Variants in CSMD1 observed in about 807,000 individuals in gnomAD.
CSMD1 encodes the protein CUB and Sushi multiple domains 1.
A neutral mutation model predicts 417.5 loss-of-function variants in CSMD1; 213 were observed. The ratio of observed to expected loss-of-function variants is 0.51; its 90% confidence interval spans 0.46 to 0.57. The LOEUF (loss-of-function observed/expected upper bound fraction) is 0.57. CSMD1 is among the 20% of genes least tolerant of loss of function. CSMD1 has a pLI of 0.00. For missense variants in CSMD1, 6,923 were observed against 4,529.7 expected (o/e 1.53, Z -15.17); for synonymous variants, 2,862 against 1,736.8 (o/e 1.65, Z -16.11).
chr8:3,493,752 C>T (rs1290916103), intron 10 of CSMD1, 26 bp from the exon 11 acceptor site: 2 of 1,566,258 alleles, frequency 1.3e-6, no homozygotes, highest in Non-Finnish European at 8.7e-7. Context: ...GAAACAGTGA[C>T]TTAGAACAAC....
Position 4,205,607 on chromosome 8 carries a change from C to T in CSMD1, c.416-173508G>A, listed in dbSNP as rs528066952. Among the ~76,000 whole-genome samples the T allele has an allele frequency of 2.7e-4, 41 of 152,332 alleles. No homozygotes were observed. The South Asian group carries it at 4.8e-3, about 18-fold the overall frequency. ...ATGATGGGGTAGGATGAAGCCCTGA[C>T]AATTTCCACCCAGGAGCCACACAGA... On this transcript the variant is annotated intron_variant, in intron 3 of 69. Coordinates refer to ENST00000635120, the MANE Select transcript of CSMD1 (RefSeq NM_033225.6).
intron 4 of CSMD1, among the ~76,000 whole-genome samples, chr8:4,003,332 G>C (rs574242691): frequency 1.1e-4 from 17 of 152,198 alleles, no homozygotes; most frequent in Admixed American, 9.8e-4. Flanking sequence ...GGTGGAGCTT[G>C]CAGTGAGCAG....
intron 26 of CSMD1, chr8:3,279,125 GGT>G (rs1802535277): frequency 6.6e-6 from 1 of 152,176 alleles, no homozygotes; most frequent in African/African-American, 2.4e-5. Context: ...CTGGCTTTGG[GGT>G]GGTCAGACCA....
chr8:3,556,392 A>ATTTATATATATATATATATAT (rs1554468279), intron 10 of CSMD1, among the ~76,000 whole-genome samples: 1 of 120,448 alleles, frequency 8.3e-6, no homozygotes, highest in African/African-American at 3.3e-5. Flanking sequence ...TATAATAATT[A>ATTTATATATATATATATATAT]ATATATATAT....
chr8:4,563,236 C>G (rs952453995), intron 2 of CSMD1, among the ~76,000 whole-genome samples: 1 of 152,036 alleles, frequency 6.6e-6, no homozygotes, highest in Non-Finnish European at 1.5e-5. Context: ...CCCGTCTCTA[C>G]TAAAAATACA....
chr8:3,962,259 A>G (rs1812381203), intron 5 of CSMD1, among the ~76,000 whole-genome samples: 1 of 152,170 alleles, frequency 6.6e-6, no homozygotes, highest in African/African-American at 2.4e-5. Flanking sequence ...TTTGGTCATG[A>G]TGAGGTTCTT....
At chr8:4,467,826 C>G (rs1460456392) in intron 2 of CSMD1, among the ~76,000 whole-genome samples, 1 of 152,122 alleles carries the variant, frequency 6.6e-6, no homozygotes, top group Non-Finnish European at 1.5e-5. Flanking sequence ...ATTGGACAAA[C>G]TCAATGAAAT....
intron 1 of CSMD1, among the ~76,000 whole-genome samples, chr8:4,816,341 C>G (rs922603455): frequency 1.3e-5 from 2 of 151,962 alleles, no homozygotes; most frequent in Non-Finnish European, 2.9e-5. Context: ...AGCATCACCA[C>G]ACCTGGGTAA....
intron 3 of CSMD1, among the ~76,000 whole-genome samples, chr8:4,241,089 C>G (rs938694894): frequency 6.6e-6 from 1 of 152,156 alleles, no homozygotes; most frequent in Non-Finnish European, 1.5e-5. Context: ...TACTTATCCT[C>G]TACATAGAAT....
intron 3 of CSMD1, among the ~76,000 whole-genome samples, chr8:4,050,022 A>C (rs1798341892): frequency 6.6e-6 from 1 of 152,140 alleles, no homozygotes; most frequent in South Asian, 2.1e-4. Context: ...GGTTTTCAGA[A>C]GTTGCGGCCA....
chr8:4,348,816 A>G (rs1219926370), intron 3 of CSMD1, among the ~76,000 whole-genome samples: 1 of 152,132 alleles, frequency 6.6e-6, no homozygotes, highest in Admixed American at 6.6e-5. Context: ...TTCTTCCAAG[A>G]CCCAGTTAAA....
chr8:3,774,363 T>C (rs557259595), intron 5 of CSMD1, among the ~76,000 whole-genome samples: 1 of 152,286 alleles, frequency 6.6e-6, no homozygotes, highest in South Asian at 2.1e-4. Flanking sequence ...GTTGTTTGGA[T>C]GTCTGTCATC....
At chr8:4,240,899 G>A (rs143236414) in intron 3 of CSMD1, among the ~76,000 whole-genome samples, 1 of 152,252 alleles carries the variant, frequency 6.6e-6, no homozygotes, top group East Asian at 1.9e-4. Flanking sequence ...GCATGTTACT[G>A]TAAAGAAAAT....
intron 21 of CSMD1, among the ~76,000 whole-genome samples, chr8:3,358,635 C>A (rs1247646019): frequency 5.9e-5 from 9 of 152,164 alleles, no homozygotes; most frequent in African/African-American, 1.9e-4. Context: ...CCAGAACACA[C>A]TGAAAAAGTG....
rs185302963 is a variant in CSMD1, at chr8:4,736,109, C to T, written c.86-98551G>A. On this transcript the variant is annotated intron_variant, in intron 1 of 69. Coordinates refer to ENST00000635120, the MANE Select transcript of CSMD1 (RefSeq NM_033225.6). ...TTTCATTGGAAAGCTTTGTTTCTCA[C>T]GAGCTGTGAGGTGTTTCTTCTACTG... Among the ~76,000 whole-genome samples, 307 of 152,244 alleles carry T rather than the reference C, an allele frequency of 2.0e-3. 2 individuals carry two copies. The highest frequency in any genetic ancestry group is 3.1e-3 in the Non-Finnish European group (214 of 68,014).
At chr8:4,801,584 T>C (rs1585122362) in intron 1 of CSMD1, among the ~76,000 whole-genome samples, 1 of 152,246 alleles carries the variant, frequency 6.6e-6, no homozygotes. Flanking sequence ...ATCTCAATCA[T>C]CTCAGTTAGT....
chr8:3,435,320 C>A (rs953126390), intron 12 of CSMD1, among the ~76,000 whole-genome samples: 1 of 152,164 alleles, frequency 6.6e-6, no homozygotes, highest in Admixed American at 6.5e-5. Context: ...AAGCATGGGG[C>A]AGAGGGGCTG....
chr8:3,620,147 T>C (rs570964241), intron 7 of CSMD1, among the ~76,000 whole-genome samples: 3 of 152,052 alleles, frequency 2.0e-5, no homozygotes, highest in Non-Finnish European at 4.4e-5. Context: ...GGATAATATA[T>C]TTAATTGCTG....
At chr8:3,521,515 A>G (rs901616444) in intron 10 of CSMD1, among the ~76,000 whole-genome samples, 4 of 152,104 alleles carry the variant, frequency 2.6e-5, no homozygotes, top group Admixed American at 2.6e-4. Context: ...TATTACAATG[A>G]TCTGCCTGAG....
Sources: allele counts gnomAD v4.1 joint callset (sites outside exome capture counted in the v4.1 genomes callset), GRCh38; gene constraint gnomAD v4.1.1; transcripts MANE v1.5; gene names NCBI Gene and HGNC (gene_info 2026-07-23, HGNC 2026-07-21).